CNTN1: variants seen among roughly 807,000 people sequenced by gnomAD.
The protein encoded by CNTN1 is contactin-1.
CNTN1 carries 38 observed loss-of-function variants against 126.4 expected under a neutral mutation model. The observed-to-expected ratio is 0.30, with a 90% CI of 0.23 to 0.39. The LOEUF is 0.39. Ranked by LOEUF, CNTN1 falls within the 10% of genes least tolerant of loss-of-function variation. The probability of loss-of-function intolerance (pLI) is 1.00; values close to 1 mark genes in which losing one functional copy is unlikely to be tolerated. For synonymous variants in CNTN1, 413 were observed against 422.6 expected (o/e 0.98, Z 0.28); for missense variants, 1,009 against 1,248.4 (o/e 0.81, Z 2.89).
chr12:40,964,711 TATTTAGTTGATTACTA>T (rs1392528857), intron 15 of CNTN1, among the ~76,000 whole-genome samples: 1 of 152,120 alleles, frequency 6.6e-6, no homozygotes, highest in Non-Finnish European at 1.5e-5. Context: ...TTAAGAAGGC[TATTTAGTTGATTACTA>T]AACCACTTTT....
intron 15 of CNTN1, among the ~76,000 whole-genome samples, chr12:40,969,905 A>G (rs555501518): frequency 6.5e-4 from 98 of 151,770 alleles, no homozygotes; most frequent in African/African-American, 2.2e-3. Context: ...GAGTGTAGAG[A>G]TCCCTTGTGT....
intron 23 of CNTN1, among the ~76,000 whole-genome samples, chr12:41,068,959 C>G (rs564166429): frequency 1.6e-4 from 25 of 152,094 alleles, no homozygotes; most frequent in South Asian, 1.5e-3. Context: ...CCACTGCACT[C>G]CAGCCTGAGC....
intron 12 of CNTN1, among the ~76,000 whole-genome samples, chr12:40,940,174 TTGAGGGTGTATG>T (rs200962658): frequency 0.045 from 6,902 of 151,786 alleles, 483 homozygotes; most frequent in African/African-American, 0.15. Context: ...GTGGGTTGGC[TTGAGGGTGTATG>T]TGAGGGTGTA....
chr12:40,805,085 T>C (rs1940795966), intron 1 of CNTN1, among the ~76,000 whole-genome samples: 1 of 152,056 alleles, frequency 6.6e-6, no homozygotes, highest in African/African-American at 2.4e-5. Context: ...TTTAACATAT[T>C]TTTAATTTTT....
intron 15 of CNTN1, among the ~76,000 whole-genome samples, chr12:40,975,179 T>TAG (rs1947637625): frequency 3.2e-5 from 4 of 125,452 alleles, no homozygotes; most frequent in Admixed American, 1.6e-4. Context: ...TAAAATGGAT[T>TAG]ATATATATAT....
chr12:41,021,433 T>C (rs1948907997), intron 20 of CNTN1, among the ~76,000 whole-genome samples: 1 of 151,640 alleles, frequency 6.6e-6, no homozygotes, highest in Non-Finnish European at 1.5e-5. Flanking sequence ...GAGGGCAGGG[T>C]ATTGTTCTAT....
At chr12:40,908,236 C>T in intron 1 of CNTN1, 121 bp from the exon 2 acceptor site, 6 of 568,568 alleles carry the variant, frequency 1.1e-5, no homozygotes, top group Non-Finnish European at 9.4e-6. Flanking sequence ...TAATGTTTTC[C>T]TCAAATGATG....
intron 1 of CNTN1, among the ~76,000 whole-genome samples, chr12:40,905,583 T>G (rs1361152762): frequency 6.6e-6 from 1 of 152,000 alleles, no homozygotes; most frequent in Non-Finnish European, 1.5e-5. Flanking sequence ...CAGGCTGGAG[T>G]ACAGTTAGGA....
At chr12:40,957,675 T>C (rs1592321159) in intron 14 of CNTN1, among the ~76,000 whole-genome samples, 1 of 151,986 alleles carries the variant, frequency 6.6e-6, no homozygotes, top group East Asian at 1.9e-4. Flanking sequence ...CAGGAATTTG[T>C]AGAAATCTTG....
chr12:41,067,040 T>C (rs543831677), intron 23 of CNTN1, among the ~76,000 whole-genome samples: 1 of 152,334 alleles, frequency 6.6e-6, no homozygotes, highest in African/African-American at 2.4e-5. Context: ...TATTCTGATA[T>C]ATATGTTGTT....
At chr12:41,057,748 CTGGCGTTT>C (rs1949856953) in intron 23 of CNTN1, among the ~76,000 whole-genome samples, 3 of 151,920 alleles carry the variant, frequency 2.0e-5, no homozygotes. Flanking sequence ...TTTTTGTTTT[CTGGCGTTT>C]TGGCGTGATT....
At chr12:40,817,547 G>A (rs1941301687) in intron 1 of CNTN1, among the ~76,000 whole-genome samples, 1 of 127,572 alleles carries the variant, frequency 7.8e-6, no homozygotes, top group Non-Finnish European at 1.6e-5. Flanking sequence ...TTTCTTTTGA[G>A]ACTGTGTGTG....
At chr12:40,842,268 A>T (rs531152702) in intron 1 of CNTN1, among the ~76,000 whole-genome samples, 14 of 152,206 alleles carry the variant, frequency 9.2e-5, no homozygotes, top group Non-Finnish European at 1.5e-4. Context: ...TTAGCTTGTT[A>T]TTGGTTCCTC....
chr12:40,886,480 G>T (rs12296447), intron 1 of CNTN1, among the ~76,000 whole-genome samples: 82,634 of 151,864 alleles, frequency 0.54, 23,099 homozygotes, highest in African/African-American at 0.67. Flanking sequence ...CTTTGTCAGA[G>T]GAGTAGGTTG....
chr12:41,056,668 A>G (rs1949807993), intron 23 of CNTN1, among the ~76,000 whole-genome samples: 1 of 152,010 alleles, frequency 6.6e-6, no homozygotes, highest in Non-Finnish European at 1.5e-5. Flanking sequence ...TTATCTAAAC[A>G]GACAGAATCC....
At chr12:40,869,576 C>A (rs1280371817) in intron 1 of CNTN1, among the ~76,000 whole-genome samples, 1 of 152,006 alleles carries the variant, frequency 6.6e-6, no homozygotes, top group Non-Finnish European at 1.5e-5. Flanking sequence ...AGTCTTCATT[C>A]CTTTTTTATA....
chr12:40,841,809 T>C (rs1212018983), intron 1 of CNTN1, among the ~76,000 whole-genome samples: 2 of 151,962 alleles, frequency 1.3e-5, no homozygotes, highest in East Asian at 3.9e-4. Context: ...GACAAACGCA[T>C]AGCTAACCTC....
intron 17 of CNTN1, among the ~76,000 whole-genome samples, chr12:41,003,106 G>C (rs1186726459): frequency 2.0e-5 from 3 of 152,138 alleles, no homozygotes; most frequent in Admixed American, 6.5e-5. Context: ...CTATTATTTT[G>C]AGGTATGTTC....
chr12:40,999,696 G>A (rs1460157275), intron 17 of CNTN1, among the ~76,000 whole-genome samples: 2 of 118,292 alleles, frequency 1.7e-5, no homozygotes, highest in African/African-American at 6.3e-5. Context: ...GTTCTTCTGT[G>A]CTTTTTTTTT....
Sources: gnomAD v4.1 joint callset for allele counts (sites outside exome capture counted in the v4.1 genomes callset) on GRCh38, gnomAD v4.1.1 for gene constraint, MANE v1.5 for transcripts, NCBI Gene and HGNC (gene_info 2026-07-23, HGNC 2026-07-21) for gene names.